STRN3: variants seen among roughly 807,000 people sequenced by gnomAD.
The protein encoded by STRN3 is striatin-3.
Under a neutral mutation model 95.6 loss-of-function variants are expected in STRN3, and 29 were observed. The observed-to-expected ratio is 0.30, with a 90% CI of 0.23 to 0.41. The LOEUF is 0.41. Among genes scored for constraint, STRN3 ranks in the 10% least tolerant of loss-of-function variants. The pLI is 1.00. For synonymous variants in STRN3, 331 were observed against 357.6 expected, an observed-to-expected ratio of 0.93 and a Z score of 0.84; for missense variants, 890 against 972.1, an observed-to-expected ratio of 0.92 and a Z score of 1.12.
chr14:31,001,480 G>A (rs1327386179), intron 1 of STRN3, among the ~76,000 whole-genome samples: 1 of 151,812 alleles, frequency 6.6e-6, no homozygotes, highest in African/African-American at 2.4e-5. Flanking sequence ...AGGTTGTAAT[G>A]AGCTATGATC....
chr14:30,955,569 A>T, intron 3 of STRN3, 51 bp downstream of exon 3: 1 of 1,449,574 alleles, frequency 6.9e-7, no homozygotes, highest in Non-Finnish European at 9.4e-7. Context: ...CATGTCTGTT[A>T]CATAAAAAAT....
chr14:31,023,582 A>C (rs981934111), intron 1 of STRN3, among the ~76,000 whole-genome samples: 14 of 152,162 alleles, frequency 9.2e-5, no homozygotes, highest in Admixed American at 3.9e-4. Context: ...ATCTGTGTAC[A>C]TGACAGTGCA....
intron 8 of STRN3, among the ~76,000 whole-genome samples, chr14:30,928,198 A>C (rs1375615105): frequency 6.6e-6 from 1 of 152,200 alleles, no homozygotes; most frequent in East Asian, 1.9e-4. Flanking sequence ...TGAAACCCCC[A>C]AAACTTCACT....
intron 1 of STRN3, among the ~76,000 whole-genome samples, chr14:31,001,635 G>A (rs1482667532): frequency 5.3e-5 from 8 of 152,172 alleles, no homozygotes; most frequent in Admixed American, 2.0e-4. Context: ...AGTAAAACTC[G>A]GTCGTACCAA....
chr14:30,934,957 C>T (rs543135846), intron 7 of STRN3, among the ~76,000 whole-genome samples: 45 of 152,212 alleles, frequency 3.0e-4, no homozygotes, highest in African/African-American at 1.1e-3. Context: ...TCAAAATCCA[C>T]CAAAAGCCAT....
In STRN3 at chr14:31,026,150, C is replaced by A. The variant is rs755804944; in HGVS notation, c.36G>T (p.Pro12=). The part of the protein sequence containing the change: ...DELAGGGGGG[P]GMAAPPRQQQ... ...GCTGCCGGGGAGGGGCCGCCATCCCCGGGCCGCCACCACCGCCTCCGGCAA... is the reference window on the plus strand; with the variant it reads ...GCTGCCGGGGAGGGGCCGCCATCCCAGGGCCGCCACCACCGCCTCCGGCAA... The change falls in exon 1 of 18, where the codon CCG becomes CCT. Residue 12 remains proline, a synonymous_variant. Coordinates refer to ENST00000357479, the MANE Select transcript of STRN3 (RefSeq NM_001083893.2). The A allele has an allele frequency of 6.7e-7, 1 of 1,488,214 alleles. No individual in the cohort carries two copies. Among genetic ancestry groups the A allele is most frequent in the East Asian group, 2.8e-5 (1 of 35,168 alleles). The allele number at this position is 1,488,214 out of a possible 1,614,324, so 92.2% of individuals were successfully genotyped here.
rs1555317709 is a variant in STRN3, at chr14:30,933,280, T to TTAAAAAAAAAAAAAAA, written c.988+1882_988+1883insTTTTTTTTTTTTTTTA. Among the ~76,000 whole-genome samples, 6 of 22,778 alleles carry TTAAAAAAAAAAAAAAA rather than the reference T, an allele frequency of 2.6e-4. 1 individual carries two copies. The highest frequency in any genetic ancestry group is 3.3e-4 in the Non-Finnish European group (4 of 12,152). 14.9% of individuals were successfully genotyped at this position (22,778 alleles called of 152,430 possible). Reference sequence around the variant, plus strand: ...GGCAATAAAGCGAGACCCTGTTTCATAAAAAAAAAAAAAAAAAAAAAAAAA... The same window carrying TTAAAAAAAAAAAAAAA: ...GGCAATAAAGCGAGACCCTGTTTCATTAAAAAAAAAAAAAAAAAAAAAAAAAAAAAAAAAAAAAAAA... On this transcript the variant is annotated intron_variant, in intron 7 of 17. Transcript: ENST00000357479.
chr14:31,011,954 C>T (rs897373247), intron 1 of STRN3, among the ~76,000 whole-genome samples: 11 of 152,096 alleles, frequency 7.2e-5, no homozygotes, highest in Non-Finnish European at 4.4e-5. Flanking sequence ...TGGTGGCAGG[C>T]GCCTGTAATC....
At chr14:30,896,575 G>A (rs1480414374) in intron 16 of STRN3, among the ~76,000 whole-genome samples, 3 of 146,380 alleles carry the variant, frequency 2.0e-5, no homozygotes, top group Non-Finnish European at 4.4e-5. Flanking sequence ...AAAGGGAAGG[G>A]GAGGGGAGGG....
chr14:31,011,077 G>A (rs1401605693), intron 1 of STRN3, among the ~76,000 whole-genome samples: 1 of 152,118 alleles, frequency 6.6e-6, no homozygotes, highest in Non-Finnish European at 1.5e-5. Flanking sequence ...TGATTTCTCT[G>A]ATACTCCATT....
intron 6 of STRN3, 135 bp downstream of exon 6, chr14:30,936,360 G>C: frequency 3.1e-6 from 3 of 982,556 alleles, no homozygotes; most frequent in South Asian, 1.8e-5. Context: ...AAAAAGAGCT[G>C]ACCACATAAA....
rs762759461 is a variant in STRN3 at position 30,911,774 on chromosome 14, T to C, written c.1598+3A>G. 1.2e-5 allele frequency: 19 copies of C among 1,603,484 alleles called. No homozygotes were observed. Among genetic ancestry groups the C allele is most frequent in the Non-Finnish European group, 1.6e-5 (19 of 1,175,870 alleles). ...AATTAAATACCAATTCAGTAAAACT[T>C]ACATGTGGGCCCTAAATGTGTAGAT... On this transcript the variant is annotated splice_donor_region_variant and intron_variant, in intron 12 of 17. Coordinates refer to ENST00000357479, the MANE Select transcript of STRN3 (RefSeq NM_001083893.2).
intron 9 of STRN3, among the ~76,000 whole-genome samples, chr14:30,918,296 C>G (rs1003784908): frequency 2.6e-5 from 4 of 152,066 alleles, no homozygotes; most frequent in Non-Finnish European, 5.9e-5. Flanking sequence ...CACTTGAGGT[C>G]AGGAGTTCGA....
chr14:30,934,018 T>C (rs1309516878), intron 7 of STRN3, among the ~76,000 whole-genome samples: 2 of 152,168 alleles, frequency 1.3e-5, no homozygotes, highest in Non-Finnish European at 2.9e-5. Flanking sequence ...AAGCAAAACT[T>C]TGATGTATTA....
Position 31,026,250 on chromosome 14 carries a change from G to A in STRN3, c.-65C>T. The stretch of plus-strand genomic sequence containing the variant: ...GACAGCTGGGGGAAGGGCCGGAGAG[G>A]GTGGCCCCGCGCTGGCTGCGGGGCG... On this transcript the variant is annotated 5_prime_UTR_variant, in exon 1 of 18. Transcript: ENST00000357479. 7.4e-7 allele frequency: 1 copy of A among 1,347,048 alleles called. No homozygotes were observed. Among genetic ancestry groups the A allele is most frequent in the East Asian group, 3.1e-5 (1 of 32,096 alleles). The allele number at this position is 1,347,048 out of a possible 1,614,324, so 83.4% of individuals were successfully genotyped here.
intron 13 of STRN3, among the ~76,000 whole-genome samples, chr14:30,910,625 C>T (rs1896583032): frequency 6.7e-6 from 1 of 150,240 alleles, no homozygotes; most frequent in Non-Finnish European, 1.5e-5. Context: ...TAGATATGAG[C>T]TAAGAATAAC....
intron 1 of STRN3, among the ~76,000 whole-genome samples, chr14:30,966,578 A>G (rs1880521087): frequency 6.6e-6 from 1 of 152,148 alleles, no homozygotes; most frequent in Admixed American, 6.5e-5. Context: ...ACCTAGCTTA[A>G]AGGATCCTCA....
intron 1 of STRN3, among the ~76,000 whole-genome samples, chr14:30,984,416 C>A (rs1361151604): frequency 6.6e-6 from 1 of 150,974 alleles, no homozygotes. Context: ...AAAAACTTTG[C>A]TGTTAGTTAA....
intron 8 of STRN3, among the ~76,000 whole-genome samples, chr14:30,926,675 T>C (rs1207636744): frequency 6.6e-6 from 1 of 152,062 alleles, no homozygotes; most frequent in Non-Finnish European, 1.5e-5. Flanking sequence ...CAAGCATGTG[T>C]TATTTTTATG....
Sources: gnomAD v4.1 joint callset for allele counts (sites outside exome capture counted in the v4.1 genomes callset) on GRCh38, gnomAD v4.1.1 for gene constraint, MANE v1.5 for transcripts, NCBI Gene and HGNC (gene_info 2026-07-23, HGNC 2026-07-21) for gene names.